Variants in L3HYPDH observed in about 807,000 individuals in gnomAD.
The protein encoded by L3HYPDH is trans-3-hydroxy-L-proline dehydratase.
L3HYPDH carries 32 observed loss-of-function variants against 26.5 expected under a neutral mutation model. That is an observed-to-expected ratio of 1.21 (90% CI 0.91 to 1.62). The LOEUF is 1.62. Ranked by LOEUF, L3HYPDH falls within the 40% of genes most tolerant of loss-of-function variation. The pLI, the probability that L3HYPDH is intolerant of heterozygous loss-of-function variation, is 0.00. For missense variants in L3HYPDH, 554 were observed against 476.4 expected, an observed-to-expected ratio of 1.16 and a Z score of -1.52; for synonymous variants, 215 against 196.6, an observed-to-expected ratio of 1.09 and a Z score of -0.78.
At chr14:59,502,775 G>T in the L3HYPDH span, among the ~76,000 whole-genome samples, 5 of 63,126 alleles carry the variant, frequency 7.9e-5, no homozygotes, top group South Asian at 5.5e-4. Context: ...TTTTTTTTTC[G>T]GAGTCTCACT....
intron 1 of L3HYPDH, among the ~76,000 whole-genome samples, chr14:59,466,478 G>A (rs1276106373): frequency 6.6e-6 from 1 of 152,142 alleles, no homozygotes. Flanking sequence ...TGGAAACCTT[G>A]AGAAATACAA....
downstream of L3HYPDH, among the ~76,000 whole-genome samples, chr14:59,471,746 T>G (rs190131363): frequency 4.3e-3 from 655 of 152,288 alleles, 3 homozygotes; most frequent in Non-Finnish European, 7.0e-3. Flanking sequence ...CTTGTGAGAT[T>G]TGGAGGGAAA....
chr14:59,484,002 G>T lies in L3HYPDH; in HGVS notation c.315C>A (p.Gly105=). ...AGCGGCCCAGCGCCAGCACTGCGTG[G>T]CCGCACATGGAGCTGTAGCCCTCGT... ...LHNEGYSSMC[G]HAVLALGRFA... The change falls in exon 1 of 5, where the codon GGC becomes GGA. Residue 105 remains glycine (G), a synonymous_variant. Coordinates refer to ENST00000247194, the MANE Select transcript of L3HYPDH (RefSeq NM_144581.2). 6.3e-7 allele frequency: 1 copy of T among 1,596,938 alleles called. No individual in the cohort carries two copies.
In L3HYPDH at chr14:59,473,058, T is replaced by C. The variant is rs368513919; in HGVS notation, c.972A>G (p.Ile324Met). The C allele has an allele frequency of 1.7e-5, 28 of 1,603,106 alleles. No homozygotes were observed. Among genetic ancestry groups the C allele is most frequent in the Admixed American group, 3.5e-5 (2 of 57,478 alleles). ...EAKCGDFKAV[I>M]VEVSGQAHYT... ...AATGGGCTTGTCCTGATACTTCCAC[T>C]ATAACAGCTTTAAAATCACCACATT... Residue 324 changes from isoleucine (I) to methionine (M), a missense_variant, in exon 5 of 5, where the codon ATA becomes ATG. Transcript: ENST00000247194.
upstream of L3HYPDH, chr14:59,487,862 C>G (rs760685760): frequency 7.6e-6 from 12 of 1,586,730 alleles, no homozygotes; most frequent in Non-Finnish European, 1.0e-5. Context: ...TCTGGCTGGA[C>G]TAATGTTGGA....
chr14:59,465,559 C>T (rs1041051488), intron 1 of L3HYPDH, among the ~76,000 whole-genome samples: 2 of 152,192 alleles, frequency 1.3e-5, no homozygotes, highest in Admixed American at 6.5e-5. Flanking sequence ...AATGTCCGGC[C>T]AGATAAAGTG....
the L3HYPDH span, chr14:59,503,838 T>G: frequency 6.4e-7 from 1 of 1,553,668 alleles, no homozygotes; most frequent in Admixed American, 1.7e-5. Flanking sequence ...TTTCTTTCTT[T>G]TACAAAATTA....
the L3HYPDH span, among the ~76,000 whole-genome samples, chr14:59,502,755 T>TGTTTTTTTTTGTTTTGTTTTTTTGTTTTG: frequency 1.6e-5 from 2 of 122,910 alleles, no homozygotes; most frequent in Non-Finnish European, 1.6e-5. Context: ...ATGAGATTTT[T>TGTTTTTTTTTGTTTTGTTTTTTTGTTTTG]TTTTTTTTTT....
At chr14:59,470,739 G>A (rs2139792800), downstream of L3HYPDH, among the ~76,000 whole-genome samples, 1 of 152,190 alleles carries the variant, frequency 6.6e-6, no homozygotes, top group Non-Finnish European at 1.5e-5. Flanking sequence ...TGAGGTAGAA[G>A]CCAGATTGCA....
upstream of L3HYPDH, chr14:59,485,331 A>T: frequency 4.7e-5 from 21 of 442,458 alleles, no homozygotes; most frequent in Admixed American, 1.3e-4. Context: ...TGTGATTACA[A>T]TTGGTTACAA....
At chr14:59,484,771 C>A, upstream of L3HYPDH, 2 of 946,048 alleles carry the variant, frequency 2.1e-6, no homozygotes, top group Non-Finnish European at 3.1e-6. Context: ...GGTGGTCTGT[C>A]CGCAACGGGC....
At chr14:59,484,715 G>A, upstream of L3HYPDH, 1 of 1,259,028 alleles carries the variant, frequency 7.9e-7, no homozygotes, top group Non-Finnish European at 1.1e-6. Context: ...CTCGCCCCTT[G>A]ACCCCGCCCG....
the L3HYPDH span, among the ~76,000 whole-genome samples, chr14:59,491,766 A>T: frequency 6.4e-4 from 98 of 152,348 alleles, no homozygotes; most frequent in African/African-American, 2.1e-3. Flanking sequence ...GAGTTAGGCC[A>T]GAGTGACAAG....
In L3HYPDH at chr14:59,475,946, C is replaced by G. The variant is rs769178897; in HGVS notation, c.862G>C (p.Gly288Arg). 2.5e-6 allele frequency: 4 copies of G among 1,613,860 alleles called. No homozygotes were observed. Among genetic ancestry groups the G allele is most frequent in the Non-Finnish European group, 2.5e-6 (3 of 1,179,880 alleles). ...CTCATCTGGTTCAGTTCCAGAAGCC[C>G]TTTGTGATACTGTAAGGCAATTCGG... ...TARIALQYHK[G>R]LLELNQMRAF... Residue 288 changes from glycine (G) to arginine (R), a missense_variant, in exon 4 of 5, where the codon GGG (glycine) becomes CGG (arginine). Transcript: ENST00000247194.
chr14:59,485,317 A>C, upstream of L3HYPDH: 6 of 497,132 alleles, frequency 1.2e-5, no homozygotes, highest in Non-Finnish European at 1.7e-5. Flanking sequence ...TTAATTTAGA[A>C]CATTGTGATT....
chr14:59,504,289 G>T, the L3HYPDH span: 1 of 519,216 alleles, frequency 1.9e-6, no homozygotes, highest in South Asian at 2.9e-5. Flanking sequence ...AATATTATCT[G>T]CTACACTGGA....
At chr14:59,499,015 CTTTTTT>C in the L3HYPDH span, 580 of 127,072 alleles carry the variant, frequency 4.6e-3, 1 homozygote, top group Middle Eastern at 0.014. Context: ...TTGTTTAATC[CTTTTTT>C]TTTTTTTTTT....
upstream of L3HYPDH, chr14:59,484,511 C>T (rs1890342202): frequency 3.3e-6 from 5 of 1,530,234 alleles, no homozygotes; most frequent in South Asian, 4.8e-5. Context: ...AGCCGCCGAG[C>T]TCGCTGTGGC....
chr14:59,501,657 T>G, the L3HYPDH span, among the ~76,000 whole-genome samples: 1 of 152,228 alleles, frequency 6.6e-6, no homozygotes, highest in Non-Finnish European at 1.5e-5. Flanking sequence ...ACATTAATAG[T>G]CATCAGTAAT....
Sources: allele counts gnomAD v4.1 joint callset (sites outside exome capture counted in the v4.1 genomes callset), GRCh38; gene constraint gnomAD v4.1.1; transcripts MANE v1.5; gene names NCBI Gene and HGNC (gene_info 2026-07-23, HGNC 2026-07-21).